The following GLS variants were observed in gnomAD, a reference collection of about 807,000 sequenced individuals.
GLS encodes glutaminase, also known as glutaminase kidney isoform, mitochondrial.
GLS carries 36 observed loss-of-function variants against 86.7 expected under a neutral mutation model. The ratio of observed to expected loss-of-function variants is 0.42; its 90% CI spans 0.32 to 0.55. The LOEUF is 0.55. GLS is among the 20% of genes least tolerant of loss of function. GLS has a pLI of 0.17. For synonymous variants in GLS, 317 were observed against 305.9 expected, an observed-to-expected ratio of 1.04 and a Z score of -0.38; for missense variants, 528 against 833.4, an observed-to-expected ratio of 0.63 and a Z score of 4.51.
In GLS at chr2:190,943,609, A is replaced by T. The variant is rs1211356411; in HGVS notation, c.1651-9956A>T. Among the ~76,000 whole-genome samples, 1 of 152,160 alleles carries T rather than the reference A, an allele frequency of 6.6e-6. No homozygotes were observed. Among genetic ancestry groups the T allele is most frequent in the African/African-American group, 2.4e-5 (1 of 41,448 alleles). ...GATGTCCTTTCTAAATTTTTTTTAGATAGAACAATTGCTTTATTTTTTAGT... is the reference window on the plus strand; with the variant it reads ...GATGTCCTTTCTAAATTTTTTTTAGTTAGAACAATTGCTTTATTTTTTAGT... On this transcript the variant is annotated intron_variant, in intron 14 of 17. Transcript: ENST00000320717. This position sits in a 1 kb window ranked among gnomAD's most constrained non-coding sequence, Gnocchi z 4.5.
intron 14 of GLS, among the ~76,000 whole-genome samples, chr2:190,942,255 AT>A (rs796835971): frequency 6.0e-5 from 9 of 150,018 alleles, no homozygotes; most frequent in Admixed American, 1.3e-4. Context: ...AATTTTTTGT[AT>A]TTTTTAGTAG....
At chr2:190,887,763 C>T (rs1412831373) in intron 1 of GLS, among the ~76,000 whole-genome samples, 1 of 151,996 alleles carries the variant, frequency 6.6e-6, no homozygotes, top group East Asian at 1.9e-4. Flanking sequence ...GTTATGCATA[C>T]TAGAGAAAAA....
rs1431520419 is a variant in GLS, at chr2:190,881,445, A to C, written c.361A>C (p.Lys121Gln). The C allele has an allele frequency of 1.3e-6, 2 of 1,543,986 alleles. No individual in the cohort carries two copies. Among genetic ancestry groups the C allele is most frequent in the Middle Eastern group, 2.0e-4 (1 of 5,002 alleles). The change falls in exon 1 of 18, where the codon AAA becomes CAA. Residue 121 changes from lysine to glutamine, a missense_variant. By Grantham distance (53) the Lys-to-Gln change is moderately conservative. This residue lies in a region of GLS where 224 missense variants were observed against 187.9 expected (regional missense o/e 1.19). Coordinates refer to ENST00000320717, the MANE Select transcript of GLS (RefSeq NM_014905.5). ...GGACGCGTTTGGCAACAGCGAGGGC[A>C]AAGAGCTGGTGGCCTCAGGTGAAAA... Reference protein sequence around the residue: ...ETDAFGNSEGKELVASGENKI... With the variant: ...ETDAFGNSEGQELVASGENKI...
At chr2:190,959,418 A>G (rs1050498773) in intron 17 of GLS, among the ~76,000 whole-genome samples, 1 of 152,140 alleles carries the variant, frequency 6.6e-6, no homozygotes, top group Non-Finnish European at 1.5e-5. Flanking sequence ...TAGCCCATTT[A>G]CATTTAAGGT....
chr2:190,931,701 C>T, intron 14 of GLS, 64 bp downstream of exon 14: 1 of 731,150 alleles, frequency 1.4e-6, no homozygotes. Flanking sequence ...GTGAGATTTG[C>T]CTGTATAAAT....
intron 12 of GLS, among the ~76,000 whole-genome samples, chr2:190,928,601 C>T (rs1002266298): frequency 2.6e-5 from 4 of 151,916 alleles, no homozygotes; most frequent in African/African-American, 9.7e-5. Flanking sequence ...TCCCAAATTG[C>T]TGGGATTACA....
chr2:190,931,177 G>T (rs1037736300), intron 13 of GLS, among the ~76,000 whole-genome samples: 1 of 152,114 alleles, frequency 6.6e-6, no homozygotes, highest in African/African-American at 2.4e-5. Context: ...AAAAACTAGA[G>T]TATGACCTTG....
At chr2:190,926,255 C>A (rs1689890658) in intron 11 of GLS, among the ~76,000 whole-genome samples, 1 of 152,206 alleles carries the variant, frequency 6.6e-6, no homozygotes, top group Non-Finnish European at 1.5e-5. Context: ...GAAAGCCTTG[C>A]ATGATTAAGT....
intron 1 of GLS, among the ~76,000 whole-genome samples, chr2:190,892,091 ACTT>A (rs373290174): frequency 7.6e-4 from 116 of 152,280 alleles, no homozygotes; most frequent in African/African-American, 2.7e-3. Flanking sequence ...CATGTCTCCT[ACTT>A]CTTCTAGACT....
chr2:190,919,115 C>T (rs572510528), intron 7 of GLS, among the ~76,000 whole-genome samples: 2 of 152,148 alleles, frequency 1.3e-5, no homozygotes, highest in African/African-American at 4.8e-5. Context: ...CACAAACCTT[C>T]AATTTCTTAA....
intron 11 of GLS, among the ~76,000 whole-genome samples, chr2:190,925,043 A>G (rs771836667): frequency 1.4e-4 from 21 of 152,246 alleles, no homozygotes; most frequent in Non-Finnish European, 3.1e-4. Flanking sequence ...TCTCATGTCC[A>G]TGCATGTTGC....
intron 17 of GLS, among the ~76,000 whole-genome samples, chr2:190,959,324 G>A (rs575079151): frequency 8.7e-5 from 13 of 149,954 alleles, no homozygotes; most frequent in African/African-American, 4.9e-5. Flanking sequence ...GTCTTTGCAC[G>A]TGAGATGGAT....
In GLS at chr2:190,881,308, C is replaced by A. The variant is rs769927324; in HGVS notation, c.224C>A (p.Ser75Tyr). The change falls in exon 1 of 18, where the codon TCT becomes TAT. Residue 75 changes from serine to tyrosine, a missense_variant. Physicochemically the swap from Ser to Tyr is moderately radical, Grantham distance 144. Coordinates refer to ENST00000320717, the MANE Select transcript of GLS (RefSeq NM_014905.5). ...AEPLARGLSS[S>Y]PSEILQELGK... The stretch of plus-strand genomic sequence containing the variant: ...CCCCTCGCGCGGGGCCTGTCCAGCT[C>A]TCCTTCGGAGATCTTGCAGGAGCTG... 1 of 1,503,776 alleles carries A rather than the reference C, an allele frequency of 6.6e-7. No individual in the cohort carries two copies. Among genetic ancestry groups the A allele is most frequent in the South Asian group, 1.2e-5 (1 of 80,818 alleles). The allele number at this position is 1,503,776 out of a possible 1,614,324, so 93.2% of individuals were successfully genotyped here. A position where few individuals can be genotyped will look rare whatever the true frequency, so the allele number is the denominator to read the frequency against.
chr2:190,906,511 ATGAC>A (rs908555720), intron 6 of GLS, among the ~76,000 whole-genome samples: 16 of 152,220 alleles, frequency 1.1e-4, no homozygotes, highest in Admixed American at 7.9e-4. Context: ...ATAAGAAAAA[ATGAC>A]AAATCAGAGA....
At position 190,962,916 on chromosome 2, in the gene GLS, C is replaced by T. The variant is rs1691037804; in HGVS notation, c.1940C>T (p.Thr647Ile). 1 of 1,608,722 alleles carries T rather than the reference C, an allele frequency of 6.2e-7. No individual in the cohort carries two copies. The highest frequency in any genetic ancestry group is 8.5e-7 in the Non-Finnish European group (1 of 1,176,926). Residue 647 changes from threonine to isoleucine, a missense_variant, in exon 18 of 18, where the codon ACA (threonine) becomes ATA (isoleucine). Coordinates refer to ENST00000320717, the MANE Select transcript of GLS (RefSeq NM_014905.5). The surrounding 1 kb of genome is among the most constrained non-coding windows in gnomAD (Gnocchi z 4.2). Reference protein sequence around the residue: ...KILQEYQVQYTPQGDSDNGKE... With the variant: ...KILQEYQVQYIPQGDSDNGKE... ...CTCCAAGAATACCAAGTCCAGTACA[C>T]ACCTCAAGGAGATTCTGACAACGGG...
Position 190,920,752 on chromosome 2 carries a change from C to T in GLS, c.1039-272C>T, listed in dbSNP as rs148756819. ...TGAAAGATAAGGGAATTCATGGTAA[C>T]TTGTATTTAAAATTCTGTAACTTTG... On this transcript the variant is annotated intron_variant, in intron 7 of 17. Coordinates refer to ENST00000320717, the MANE Select transcript of GLS (RefSeq NM_014905.5). This position sits in a 1 kb window ranked among gnomAD's most constrained non-coding sequence, Gnocchi z 4.2. Among the ~76,000 whole-genome samples the T allele has an allele frequency of 1.6e-3, 250 of 151,552 alleles. 2 individuals are homozygous for T. Among genetic ancestry groups the T allele is most frequent in the South Asian group, 0.014 (68 of 4,808 alleles).
chr2:190,959,413 C>G (rs1170600075), intron 17 of GLS, among the ~76,000 whole-genome samples: 1 of 152,062 alleles, frequency 6.6e-6, no homozygotes, highest in African/African-American at 2.4e-5. Context: ...GCTTTTAGCC[C>G]ATTTACATTT....
At chr2:190,884,040 G>C (rs991157763) in intron 1 of GLS, among the ~76,000 whole-genome samples, 5 of 152,096 alleles carry the variant, frequency 3.3e-5, no homozygotes, top group African/African-American at 1.2e-4. Context: ...TCTTTGCTCA[G>C]TTTTGTCTTT....
chr2:190,899,149 A>G (rs1006653111), intron 3 of GLS, among the ~76,000 whole-genome samples: 1 of 152,192 alleles, frequency 6.6e-6, no homozygotes, highest in Admixed American at 6.5e-5. Flanking sequence ...TGCAACTCTG[A>G]TACTTGGAAG....
Sources: gnomAD v4.1 joint callset for allele counts (sites outside exome capture counted in the v4.1 genomes callset) on GRCh38, gnomAD v4.1.1 for gene constraint, gnomAD v4.1.1 regional missense constraint, Gnocchi (gnomAD v3.1) non-coding constraint, MANE v1.5 for transcripts, NCBI Gene and HGNC (gene_info 2026-07-23, HGNC 2026-07-21) for gene names.